PLOD2: variants seen among roughly 807,000 people sequenced by gnomAD.
PLOD2 encodes procollagen-lysine,2-oxoglutarate 5-dioxygenase 2.
Under a neutral mutation model 101.0 loss-of-function variants are expected in PLOD2, and 65 were observed. The observed-to-expected ratio is 0.64, with a 90% confidence interval of 0.53 to 0.79. PLOD2 has a LOEUF of 0.79. PLOD2 is among the 30% of genes least tolerant of loss of function. PLOD2 has a pLI of 0.00. For synonymous variants in PLOD2, 314 were observed against 302.9 expected, an observed-to-expected ratio of 1.04 and a Z score of -0.38; for missense variants, 909 against 914.6, an observed-to-expected ratio of 0.99 and a Z score of 0.08.
intron 3 of PLOD2, 145 bp from the exon 4 acceptor site, chr3:146,110,593 A>G (rs1312495814): frequency 1.8e-6 from 1 of 564,678 alleles, no homozygotes; most frequent in African/African-American, 1.9e-5. Context: ...AGAACACCAA[A>G]CAAAATTTCT....
intron 3 of PLOD2, among the ~76,000 whole-genome samples, chr3:146,113,962 T>C (rs1212686593): frequency 6.6e-6 from 1 of 152,124 alleles, no homozygotes; most frequent in Non-Finnish European, 1.5e-5. Flanking sequence ...AATGCTTTCC[T>C]AGGGGTAGGT....
intron 1 of PLOD2, among the ~76,000 whole-genome samples, chr3:146,133,257 C>G (rs948026305): frequency 6.6e-6 from 1 of 152,100 alleles, no homozygotes; most frequent in African/African-American, 2.4e-5. Flanking sequence ...ACTCTATAAC[C>G]ATGTTATAGC....
At position 146,146,991 on chromosome 3, in the gene PLOD2, C is replaced by T. The variant is rs543766221; in HGVS notation, c.109+13890G>A. On this transcript the variant is annotated intron_variant, in intron 1 of 19. Coordinates refer to ENST00000282903, the MANE Select transcript of PLOD2 (RefSeq NM_182943.3). ...GTTAATGGACTATCCCTCTGTAAGG[C>T]CTATAGGCAGAGAAGCTTCCGAGGT... Among the ~76,000 whole-genome samples, 4 of 152,236 alleles carry T rather than the reference C, an allele frequency of 2.6e-5. No individual in the cohort carries two copies. In the South Asian group the frequency reaches 8.3e-4, roughly 32 times the overall value.
intron 11 of PLOD2, among the ~76,000 whole-genome samples, chr3:146,082,640 C>A (rs543729603): frequency 3.3e-4 from 51 of 152,250 alleles, no homozygotes; most frequent in Non-Finnish European, 6.3e-4. Flanking sequence ...TGCCTGTAAT[C>A]CCAGCACTTT....
intron 1 of PLOD2, among the ~76,000 whole-genome samples, chr3:146,156,824 TGAA>T (rs2032318950): frequency 6.6e-6 from 1 of 152,260 alleles, no homozygotes; most frequent in Non-Finnish European, 1.5e-5. Flanking sequence ...AAGCACAGCC[TGAA>T]GAAGGGGCAC....
intron 1 of PLOD2, among the ~76,000 whole-genome samples, chr3:146,146,889 G>A (rs979105853): frequency 5.9e-5 from 9 of 152,084 alleles, no homozygotes; most frequent in Admixed American, 5.2e-4. Flanking sequence ...TCTAAAATGG[G>A]TTCTTCGTTT....
intron 1 of PLOD2, among the ~76,000 whole-genome samples, chr3:146,125,468 C>A (rs2030495802): frequency 6.6e-6 from 1 of 151,996 alleles, no homozygotes; most frequent in South Asian, 2.1e-4. Context: ...ATTTCTTGGC[C>A]AGGCACGGTA....
chr3:146,128,040 AAGAT>A (rs2030679952), intron 1 of PLOD2, among the ~76,000 whole-genome samples: 1 of 152,206 alleles, frequency 6.6e-6, no homozygotes, highest in African/African-American at 2.4e-5. Context: ...AATCAAAAGA[AAGAT>A]AGAAAATTAT....
rs140382784 is a variant in PLOD2 at position 146,155,767 on chromosome 3, G to T, written c.109+5114C>A. ...AAGAAAATTAGTTCTGTTCAGTTCA[G>T]TTTGGGGAGGCAAGCATTCTACAAC... is the stretch of plus-strand genomic sequence containing the variant. On this transcript the variant is annotated intron_variant, in intron 1 of 19. Transcript: ENST00000282903. Among the ~76,000 whole-genome samples, 3 of 151,360 alleles carry T rather than the reference G, an allele frequency of 2.0e-5. No individual in the cohort carries two copies. In the East Asian group the frequency reaches 5.8e-4, roughly 29 times the overall value.
In PLOD2 at chr3:146,076,593, C is replaced by G. The variant is rs1309512292; in HGVS notation, c.1677+189G>C. The G allele has an allele frequency of 9.0e-6, 4 of 444,220 alleles. No homozygotes were observed. In the Admixed American group the frequency reaches 1.2e-4, roughly 14 times the overall value. 27.5% of individuals were successfully genotyped at this position (444,220 alleles called of 1,614,324 possible). A position where few individuals can be genotyped will look rare whatever the true frequency, so the allele number is the denominator to read the frequency against. On this transcript the variant is annotated intron_variant, in intron 15 of 19. Coordinates refer to ENST00000282903, the MANE Select transcript of PLOD2 (RefSeq NM_182943.3). The stretch of plus-strand genomic sequence containing the variant: ...CTTTTCTCCGTAGCCTCACCCATAT[C>G]TGTTGTTTTTGACTTTTTAATAATA...
intron 17 of PLOD2, 66 bp from the exon 18 acceptor site, chr3:146,071,489 T>A (rs1936133341): frequency 6.9e-7 from 1 of 1,439,030 alleles, no homozygotes; most frequent in Non-Finnish European, 9.8e-7. Context: ...TATTATAGTA[T>A]TTTTTTTCAA....
intron 4 of PLOD2, among the ~76,000 whole-genome samples, chr3:146,110,064 G>A (rs765417692): frequency 1.5e-4 from 23 of 151,970 alleles, no homozygotes; most frequent in Non-Finnish European, 1.3e-4. Flanking sequence ...TGAAAAACAT[G>A]AGTTTCCTCA....
In PLOD2 at chr3:146,081,663, T is replaced by A. The variant is rs540288192; in HGVS notation, c.1358+75A>T. ...AGAAAAGAGATGAATGCAAAAAAAATTTCAAGTAATACTAACAAGACTACA... is the reference window on the plus strand; with the variant it reads ...AGAAAAGAGATGAATGCAAAAAAAAATTCAAGTAATACTAACAAGACTACA... On this transcript the variant is annotated intron_variant, in intron 12 of 19. Transcript: ENST00000282903. 14 of 1,338,558 alleles carry A rather than the reference T, an allele frequency of 1.0e-5. No individual in the cohort carries two copies. The East Asian group carries it at 2.8e-4, about 27-fold the overall frequency. 82.9% of individuals were successfully genotyped at this position (1,338,558 alleles called of 1,614,324 possible). A position where few individuals can be genotyped will look rare whatever the true frequency, so the allele number is the denominator to read the frequency against.
rs752781255 is a variant in PLOD2, at chr3:146,110,365, T to A, written c.422A>T (p.Asp141Val). Residue 141 changes from aspartate to valine, a missense_variant, in exon 4 of 20, where the codon GAT becomes GTT. Coordinates refer to ENST00000282903, the MANE Select transcript of PLOD2 (RefSeq NM_182943.3). Reference sequence around the variant, plus strand: ...TCTTTTATCTGGCCACAAAATTCCATCTGCTGCAAAGACCACTTTGTGGTT... The same window carrying A: ...TCTTTTATCTGGCCACAAAATTCCAACTGCTGCAAAGACCACTTTGTGGTT... ...KANHKVVFAA[D>V]GILWPDKRLA... 7.4e-6 allele frequency: 12 copies of A among 1,613,644 alleles called. No homozygotes were observed. Among genetic ancestry groups the A allele is most frequent in the Non-Finnish European group, 9.3e-6 (11 of 1,179,764 alleles).
At chr3:146,088,440 AG>A in intron 9 of PLOD2, 145 bp downstream of exon 9, 1 of 610,942 alleles carries the variant, frequency 1.6e-6, no homozygotes, top group South Asian at 2.0e-5. Flanking sequence ...TAAAATCCTT[AG>A]GTCCTAAAAA....
At chr3:146,105,220 G>C (rs955958936) in intron 5 of PLOD2, 5 of 152,148 alleles carry the variant, frequency 3.3e-5, no homozygotes, top group Non-Finnish European at 7.4e-5. Flanking sequence ...GCTATTTTGA[G>C]TTGCTTTATT....
At position 146,085,282 on chromosome 3, in the gene PLOD2, GA is replaced by G; in HGVS notation, c.1128-10del. ...CCTGACGGCAAAAGTCCCTAACAGT[GA>G]AAAAGAAAATGAAATGGGCATGACA... On this transcript the variant is annotated splice_polypyrimidine_tract_variant and intron_variant, in intron 10 of 19. Coordinates refer to ENST00000282903, the MANE Select transcript of PLOD2 (RefSeq NM_182943.3). 1 of 1,404,190 alleles carries G rather than the reference GA, an allele frequency of 7.1e-7. No individual in the cohort carries two copies. The highest frequency in any genetic ancestry group is 1.2e-5 in the South Asian group (1 of 86,546). 87.0% of individuals were successfully genotyped at this position (1,404,190 alleles called of 1,614,324 possible). A position where few individuals can be genotyped will look rare whatever the true frequency, so the allele number is the denominator to read the frequency against.
In PLOD2 at chr3:146,072,604, T is replaced by A. The variant is rs764159746; in HGVS notation, c.1805A>T (p.Glu602Val). 6.2e-7 allele frequency: 1 copy of A among 1,610,980 alleles called. No individual in the cohort carries two copies. Among genetic ancestry groups the A allele is most frequent in the South Asian group, 1.1e-5 (1 of 91,038 alleles). The change falls in exon 17 of 20, where the codon GAA (glutamate) becomes GTA (valine). Residue 602 changes from glutamate to valine, a missense_variant. By Grantham distance (121) the Glu-to-Val change is moderately radical. Coordinates refer to ENST00000282903, the MANE Select transcript of PLOD2 (RefSeq NM_182943.3). ...CCATTTGCCGTAATGTTCCATTTCT[T>A]CTACCAATTCATCACAGGCTTTTTC... is the stretch of plus-strand genomic sequence containing the variant. ...FSEKACDELV[E>V]EMEHYGKWSG... is the part of the protein sequence containing the mutation.
chr3:146,092,107 CA>C lies in PLOD2; in HGVS notation c.778-207del, dbSNP rs3838608. ...CAGGACAAAGTATGTCTAGAAATGT[CA>C]AAAAAAAAGTCTTATAAATCATAAA... On this transcript the variant is annotated intron_variant, in intron 7 of 19. Coordinates refer to ENST00000282903, the MANE Select transcript of PLOD2 (RefSeq NM_182943.3). Among the ~76,000 whole-genome samples the C allele has an allele frequency of 2.7e-5, 4 of 149,624 alleles. No individual in the cohort carries two copies. The East Asian group carries it at 5.9e-4, about 22-fold the overall frequency.
Sources: gnomAD v4.1 joint callset for allele counts (sites outside exome capture counted in the v4.1 genomes callset) on GRCh38, gnomAD v4.1.1 for gene constraint, MANE v1.5 for transcripts, NCBI Gene and HGNC (gene_info 2026-07-23, HGNC 2026-07-21) for gene names.